CADM2: variants seen among roughly 807,000 people sequenced by gnomAD.
The protein encoded by CADM2 is immunoglobulin superfamily member 4D.
CADM2 carries 12 observed loss-of-function variants against 49.8 expected under a neutral mutation model. The ratio of observed to expected loss-of-function variants is 0.24; its 90% CI spans 0.15 to 0.39. The LOEUF (loss-of-function observed/expected upper bound fraction) is 0.39. Among genes scored for constraint, CADM2 ranks in the 10% least tolerant of loss-of-function variants. The probability of loss-of-function intolerance (pLI) is 1.00; values close to 1 mark genes in which losing one functional copy is unlikely to be tolerated. For missense variants in CADM2, 378 were observed against 492.3 expected (o/e 0.77, Z 2.20); for synonymous variants, 214 against 175.4 (o/e 1.22, Z -1.74).
chr3:85,339,820 A>G (rs1371593615), intron 1 of CADM2, among the ~76,000 whole-genome samples: 2 of 151,468 alleles, frequency 1.3e-5, no homozygotes, highest in South Asian at 2.1e-4. Context: ...AAAGCTGTAT[A>G]ACCAGTGATT....
intron 1 of CADM2, among the ~76,000 whole-genome samples, chr3:85,201,106 T>A (rs552113913): frequency 2.6e-5 from 4 of 152,322 alleles, no homozygotes; most frequent in African/African-American, 9.6e-5. Context: ...TATTTTCCAA[T>A]GATTGATTCT....
At chr3:85,464,965 C>T (rs1559853599) in intron 1 of CADM2, among the ~76,000 whole-genome samples, 1 of 152,018 alleles carries the variant, frequency 6.6e-6, no homozygotes, top group African/African-American at 2.4e-5. Flanking sequence ...CTGGCTAACA[C>T]TGTGAAACCC....
At chr3:85,117,695 A>C (rs2038691942) in intron 1 of CADM2, among the ~76,000 whole-genome samples, 1 of 152,152 alleles carries the variant, frequency 6.6e-6, no homozygotes. Flanking sequence ...GTGTTTTATG[A>C]AGTAAGATTT....
intron 3 of CADM2, among the ~76,000 whole-genome samples, chr3:85,843,433 G>C (rs1025906045): frequency 6.7e-6 from 1 of 150,148 alleles, no homozygotes; most frequent in Non-Finnish European, 1.5e-5. Flanking sequence ...AGTTACAATA[G>C]GATATATGGT....
At position 85,377,280 on chromosome 3, in the gene CADM2, G is replaced by C. The variant is rs530459691; in HGVS notation, c.62-349242G>C. Among the ~76,000 whole-genome samples, 32 of 152,144 alleles carry C rather than the reference G, an allele frequency of 2.1e-4. No individual in the cohort carries two copies. The East Asian group carries it at 2.1e-3, about 10-fold the overall frequency. On this transcript the variant is annotated intron_variant, in intron 1 of 9. Coordinates refer to ENST00000383699, the MANE Select transcript of CADM2 (RefSeq NM_001167675.2). The stretch of plus-strand genomic sequence containing the variant: ...AAGCTGTAAAGTTCTCATGGTAGCT[G>C]CCTGTGTTCCCAAGATAGCGGAATT...
At chr3:85,596,382 T>G (rs554087788) in intron 1 of CADM2, among the ~76,000 whole-genome samples, 1 of 152,164 alleles carries the variant, frequency 6.6e-6, no homozygotes, top group African/African-American at 2.4e-5. Context: ...CAGTGAATAC[T>G]TTTAAGGAAA....
chr3:85,409,126 G>A (rs6549023), intron 1 of CADM2, among the ~76,000 whole-genome samples: 131,497 of 152,148 alleles, frequency 0.86, 56,974 homozygotes, highest in East Asian at 0.95. Flanking sequence ...GGAGACTTTA[G>A]TGTAAATGCA....
chr3:85,370,295 G>T (rs1332059504), intron 1 of CADM2, among the ~76,000 whole-genome samples: 1 of 150,634 alleles, frequency 6.6e-6, no homozygotes, highest in Non-Finnish European at 1.5e-5. Flanking sequence ...TGGCGGGGGC[G>T]CCTGTAATCC....
At chr3:85,039,050 A>AGAGAGG (rs1214072042) in intron 1 of CADM2, among the ~76,000 whole-genome samples, 19 of 152,278 alleles carry the variant, frequency 1.2e-4, no homozygotes, top group African/African-American at 3.4e-4. Flanking sequence ...GAGAGAGAAA[A>AGAGAGG]GAGAGGAAGA....
chr3:85,558,339 A>C (rs1281524440), intron 1 of CADM2, among the ~76,000 whole-genome samples: 1 of 152,072 alleles, frequency 6.6e-6, no homozygotes, highest in Non-Finnish European at 1.5e-5. Context: ...TTTGCAGCAA[A>C]TACTAAGTAC....
intron 2 of CADM2, among the ~76,000 whole-genome samples, chr3:85,752,094 C>A (rs1358467321): frequency 6.6e-6 from 1 of 152,028 alleles, no homozygotes. Context: ...TGCACTACCC[C>A]ATGGTTGGTA....
intron 1 of CADM2, among the ~76,000 whole-genome samples, chr3:85,258,578 C>A (rs1242326371): frequency 6.6e-6 from 1 of 151,672 alleles, no homozygotes; most frequent in African/African-American, 2.4e-5. Flanking sequence ...AAGAAAGCCA[C>A]AGAAGGAAGC....
At chr3:85,541,741 ATAT>A (rs2061545497) in intron 1 of CADM2, among the ~76,000 whole-genome samples, 2 of 55,756 alleles carry the variant, frequency 3.6e-5, no homozygotes, top group African/African-American at 4.7e-5. Flanking sequence ...TTTTATATAT[ATAT>A]TTTATATATT....
chr3:85,749,453 T>A lies in CADM2; in HGVS notation c.88+22905T>A, dbSNP rs188728570. On this transcript the variant is annotated intron_variant, in intron 2 of 9. Coordinates refer to ENST00000383699, the MANE Select transcript of CADM2 (RefSeq NM_001167675.2). ...CCATTTTTTCCTACTTATCATTACA[T>A]TATTAAATGCTTTAATGAAGTACAA... Among the ~76,000 whole-genome samples, 300 of 152,158 alleles carry A rather than the reference T, an allele frequency of 2.0e-3. 5 individuals carry two copies. Among genetic ancestry groups the A allele is most frequent in the Admixed American group, 0.019 (282 of 15,240 alleles).
At chr3:85,573,003 G>A (rs111363060) in intron 1 of CADM2, among the ~76,000 whole-genome samples, 5 of 150,558 alleles carry the variant, frequency 3.3e-5, no homozygotes, top group African/African-American at 1.0e-4. Context: ...TATCCTAATC[G>A]TGTATACATA....
At chr3:85,045,375 C>CA (rs1276323426) in intron 1 of CADM2, among the ~76,000 whole-genome samples, 1 of 151,984 alleles carries the variant, frequency 6.6e-6, no homozygotes, top group African/African-American at 2.4e-5. Context: ...AAAATGTGTC[C>CA]AGTTTTTGGT....
chr3:85,004,173 AT>A (rs1334082021), intron 1 of CADM2, among the ~76,000 whole-genome samples: 1 of 152,060 alleles, frequency 6.6e-6, no homozygotes, highest in Non-Finnish European at 1.5e-5. Flanking sequence ...ATTGTTTTTT[AT>A]TTAATTTTTT....
intron 1 of CADM2, among the ~76,000 whole-genome samples, chr3:85,345,095 C>T (rs1353877533): frequency 6.6e-6 from 1 of 151,908 alleles, no homozygotes; most frequent in Non-Finnish European, 1.5e-5. Context: ...GTGAGTGGAT[C>T]ACCTGAGGTC....
At chr3:85,469,758 CTAAAATTGACTGTAGTATGT>C (rs2038684300) in intron 1 of CADM2, among the ~76,000 whole-genome samples, 1 of 152,144 alleles carries the variant, frequency 6.6e-6, no homozygotes, top group Non-Finnish European at 1.5e-5. Context: ...TCCAAGTAGG[CTAAAATTGACTGTAGTATGT>C]TAACTCCAAG....
Sources: allele counts gnomAD v4.1 joint callset (sites outside exome capture counted in the v4.1 genomes callset), GRCh38; gene constraint gnomAD v4.1.1; transcripts MANE v1.5; gene names NCBI Gene and HGNC (gene_info 2026-07-23, HGNC 2026-07-21).